Variants in RBM26 observed in about 807,000 individuals in gnomAD.
The protein encoded by RBM26 is RNA binding motif protein 26.
RBM26 carries 30 observed loss-of-function variants against 123.6 expected under a neutral mutation model. The ratio of observed to expected loss-of-function variants is 0.24; its 90% confidence interval spans 0.18 to 0.33. The LOEUF (loss-of-function observed/expected upper bound fraction) is 0.33. RBM26 is among the 10% of genes least tolerant of loss of function. RBM26 has a pLI of 1.00. For missense variants in RBM26, 947 were observed against 1,203.6 expected, an observed-to-expected ratio of 0.79 and a Z score of 3.15; for synonymous variants, 400 against 404.4, an observed-to-expected ratio of 0.99 and a Z score of 0.13.
intron 20 of RBM26, among the ~76,000 whole-genome samples, chr13:79,324,755 G>C (rs2068122227): frequency 6.7e-6 from 1 of 150,220 alleles, no homozygotes; most frequent in African/African-American, 2.5e-5. Context: ...GAATTTTGTA[G>C]CATGTATTAA....
chr13:79,331,912 G>C (rs143714182), intron 20 of RBM26, among the ~76,000 whole-genome samples: 2 of 152,274 alleles, frequency 1.3e-5, no homozygotes, highest in East Asian at 3.9e-4. Flanking sequence ...CCATCTTCTA[G>C]GTAACAAGGC....
At position 79,394,937 on chromosome 13, in the gene RBM26, A is replaced by G. The variant is rs1463675271; in HGVS notation, c.71+10767T>C. Among the ~76,000 whole-genome samples the G allele has an allele frequency of 2.6e-5, 4 of 152,156 alleles. No homozygotes were observed. In the East Asian group the frequency reaches 7.7e-4, roughly 29 times the overall value. Reference sequence around the variant, plus strand: ...GTGTGAGCCACGGCACCCAGCCCCAAAGGGAAAATTCTCATTCTGCCCTCA... The same window carrying G: ...GTGTGAGCCACGGCACCCAGCCCCAGAGGGAAAATTCTCATTCTGCCCTCA... On this transcript the variant is annotated intron_variant, in intron 1 of 21. Coordinates refer to ENST00000438737, the MANE Select transcript of RBM26 (RefSeq NM_001366735.2).
At position 79,342,820 on chromosome 13, in the gene RBM26, T is replaced by C. The variant is rs143006951; in HGVS notation, c.2271A>G (p.Ser757=). 6.3e-7 allele frequency: 1 copy of C among 1,588,038 alleles called. No homozygotes were observed. The highest frequency in any genetic ancestry group is 1.4e-5 in the African/African-American group (1 of 73,346). Reference sequence around the variant, plus strand: ...TCATTGTTTTGTTTTTCTCCAGTTTTGAAATTAACATCTGCCAAATTTTTA... The same window carrying C: ...TCATTGTTTTGTTTTTCTCCAGTTTCGAAATTAACATCTGCCAAATTTTTA... The part of the protein sequence containing the change: ...KHIETQKMLI[S]KLEKNKTMKS... The change falls in exon 17 of 22, where the codon TCA becomes TCG. Residue 757 remains serine (S), a synonymous_variant. Coordinates refer to ENST00000438737, the MANE Select transcript of RBM26 (RefSeq NM_001366735.2).
At chr13:79,377,263 T>C in intron 3 of RBM26, 116 bp downstream of exon 3, 1 of 780,664 alleles carries the variant, frequency 1.3e-6, no homozygotes, top group Admixed American at 2.6e-5. Flanking sequence ...GAAAAATCAT[T>C]TAAACTGGGA....
rs146362052 is a variant in RBM26 at position 79,377,480 on chromosome 13, C to G, written c.226G>C (p.Val76Leu). Residue 76 changes from valine (V) to leucine (L), a missense_variant, in exon 3 of 22, where the codon GTG becomes CTG. Coordinates refer to ENST00000438737, the MANE Select transcript of RBM26 (RefSeq NM_001366735.2). ...QIFVEKLFDAVNTKSYLPPPE... is the reference protein window; with the variant it reads ...QIFVEKLFDALNTKSYLPPPE... ...GGAGGTAGGTAACTCTTTGTATTCA[C>G]AGCATCAAAAAGTTTTTCCACAAAT... is the stretch of plus-strand genomic sequence containing the variant. The G allele has an allele frequency of 2.5e-6, 4 of 1,612,390 alleles. No individual in the cohort carries two copies. The African/African-American group carries it at 5.3e-5, about 22-fold the overall frequency.
intron 10 of RBM26, 26 bp downstream of exon 10, chr13:79,359,549 C>G: frequency 9.8e-7 from 1 of 1,023,994 alleles, no homozygotes; most frequent in Non-Finnish European, 1.5e-6. Context: ...CACAATTATA[C>G]TCCTCAATTT....
chr13:79,344,915 A>T, intron 14 of RBM26, 121 bp from the exon 15 acceptor site: 5 of 830,816 alleles, frequency 6.0e-6, no homozygotes, highest in Non-Finnish European at 7.4e-6. Context: ...ACTGAACTAA[A>T]TGTATTTTAT....
Position 79,312,199 on chromosome 13 carries a change from T to G in RBM26, c.*2771A>C, listed in dbSNP as rs554478043. The G allele has an allele frequency of 1.1e-4, 17 of 152,128 alleles. 1 individual carries two copies. The East Asian group carries it at 2.9e-3, about 26-fold the overall frequency. 9.4% of individuals were successfully genotyped at this position (152,128 alleles called of 1,614,324 possible). A position where few individuals can be genotyped will look rare whatever the true frequency, so the allele number is the denominator to read the frequency against. ...CCAGTCTCCAGACAAGAAGACTCCT[T>G]TGGTGTTTTTCAATTCAACAGTCCA... On this transcript the variant is annotated 3_prime_UTR_variant, in exon 5 of 5. Coordinates refer to the RBM26 transcript ENST00000449987.
rs35140010 is a variant in RBM26, at chr13:79,402,435, CT to C, written c.71+3268del. Among the ~76,000 whole-genome samples, 396 of 140,570 alleles carry C rather than the reference CT, an allele frequency of 2.8e-3. 1 individual carries two copies. Among genetic ancestry groups the C allele is most frequent in the South Asian group, 9.5e-3 (42 of 4,410 alleles). 92.2% of individuals were successfully genotyped at this position (140,570 alleles called of 152,430 possible). A position where few individuals can be genotyped will look rare whatever the true frequency, so the allele number is the denominator to read the frequency against. On this transcript the variant is annotated intron_variant, in intron 1 of 21. Coordinates refer to ENST00000438737, the MANE Select transcript of RBM26 (RefSeq NM_001366735.2). ...ATTTCACGCTGAAAACACAGCCAGG[CT>C]TTTTTTTTTTTTTTTAAACATCCAT...
chr13:79,338,982 T>C (rs9574406), intron 18 of RBM26, among the ~76,000 whole-genome samples: 73,173 of 151,956 alleles, frequency 0.48, 18,160 homozygotes, highest in East Asian at 0.72. Context: ...AAGCAAAATT[T>C]TGAAGATGTT....
At chr13:79,318,748 A>T, downstream of RBM26, 1 of 967,664 alleles carries the variant, frequency 1.0e-6, no homozygotes, top group Non-Finnish European at 1.2e-6. Flanking sequence ...AAAACATACT[A>T]ATCAAATTAT....
At position 79,405,791 on chromosome 13, in the gene RBM26, G is replaced by A. The variant is rs752946456; in HGVS notation, c.-17C>T. The A allele has an allele frequency of 3.3e-6, 5 of 1,526,774 alleles. No homozygotes were observed. Among genetic ancestry groups the A allele is most frequent in the Admixed American group, 1.9e-5 (1 of 52,244 alleles). The allele number at this position is 1,526,774 out of a possible 1,614,324, so 94.6% of individuals were successfully genotyped here. On this transcript the variant is annotated 5_prime_UTR_variant, in exon 1 of 22. Transcript: ENST00000438737. ...AGAAACCATCCACAGCGGCCCTAAG[G>A]CCCGTCACACTCCTCCGCCCGCCCA...
intron 18 of RBM26, among the ~76,000 whole-genome samples, chr13:79,339,047 A>G (rs574023978): frequency 7.5e-4 from 114 of 152,320 alleles, no homozygotes; most frequent in Admixed American, 1.4e-3. Context: ...CAGCTGCCAA[A>G]TCTCTGCTAG....
chr13:79,348,405 C>T (rs531951828), intron 14 of RBM26, among the ~76,000 whole-genome samples: 1 of 151,924 alleles, frequency 6.6e-6, no homozygotes, highest in Non-Finnish European at 1.5e-5. Flanking sequence ...GCCACAATAA[C>T]TATAAGTAAT....
Position 79,405,785 on chromosome 13 carries a change from C to T in RBM26, c.-11G>A. ...CATTTTAGAAACCATCCACAGCGGCCCTAAGGCCCGTCACACTCCTCCGCC... is the reference window on the plus strand; with the variant it reads ...CATTTTAGAAACCATCCACAGCGGCTCTAAGGCCCGTCACACTCCTCCGCC... On this transcript the variant is annotated 5_prime_UTR_variant, in exon 1 of 22. Transcript: ENST00000438737. 1 of 1,547,844 alleles carries T rather than the reference C, an allele frequency of 6.5e-7. No individual in the cohort carries two copies. Among genetic ancestry groups the T allele is most frequent in the Non-Finnish European group, 8.7e-7 (1 of 1,143,584 alleles).
At chr13:79,346,573 G>A (rs1401069008) in intron 14 of RBM26, among the ~76,000 whole-genome samples, 2 of 151,890 alleles carry the variant, frequency 1.3e-5, no homozygotes, top group East Asian at 1.9e-4. Context: ...AGGGTTTCTC[G>A]CCATGTTGCC....
chr13:79,366,164 TGGCTGCAAAGGA>T lies in RBM26; in HGVS notation c.1155_1166del (p.Pro386_Pro389del). ...AGTTTGGAGGAGCATCCATGCCAGA[TGGCTGCAAAGGA>T]GGAAGTGGAGGTGGTGGTCCTGTCA... On this transcript the variant is annotated inframe_deletion, in exon 8 of 22. Coordinates refer to ENST00000438737, the MANE Select transcript of RBM26 (RefSeq NM_001366735.2). The T allele has an allele frequency of 8.7e-6, 14 of 1,613,810 alleles. No homozygotes were observed. Among genetic ancestry groups the T allele is most frequent in the Non-Finnish European group, 1.1e-5 (13 of 1,179,796 alleles).
At chr13:79,384,373 G>A (rs188977725) in intron 1 of RBM26, among the ~76,000 whole-genome samples, 24 of 151,416 alleles carry the variant, frequency 1.6e-4, no homozygotes, top group East Asian at 3.9e-4. Flanking sequence ...TCCTCCCACC[G>A]CTGCCTCCCC....
At chr13:79,325,088 C>G (rs887753707) in intron 20 of RBM26, among the ~76,000 whole-genome samples, 15 of 152,072 alleles carry the variant, frequency 9.9e-5, no homozygotes, top group East Asian at 1.9e-4. Context: ...CATGGTGATA[C>G]TGGTGTAAAC....
Sources: gnomAD v4.1 joint callset for allele counts (sites outside exome capture counted in the v4.1 genomes callset) on GRCh38, gnomAD v4.1.1 for gene constraint, MANE v1.5 for transcripts, NCBI Gene and HGNC (gene_info 2026-07-23, HGNC 2026-07-21) for gene names.